LONP1: variants seen among roughly 807,000 people sequenced by gnomAD.
The protein encoded by LONP1 is lon protease homolog, mitochondrial.
In LONP1, 31 loss-of-function variants were observed where a neutral mutation model predicts 98.5. That is an observed-to-expected ratio of 0.31 (90% CI 0.24 to 0.42). The LOEUF is 0.42. LONP1 is among the 20% of genes least tolerant of loss of function. LONP1 has a pLI of 1.00. For synonymous variants in LONP1, 781 were observed against 594.7 expected (o/e 1.31, Z -4.56); for missense variants, 1,336 against 1,350.6 (o/e 0.99, Z 0.17).
At position 5,720,070 on chromosome 19, in the gene LONP1, C is replaced by T. The variant is rs1421819502; in HGVS notation, c.63G>A (p.Arg21=). The part of the protein sequence containing the change: ...WGAARCWVLR[R]PMLAAAGGRV... ...GCCCCCCGGCGGCGGCCAGCATCGG[C>T]CGCCGCAGCACCCAGCACCGCGCCG... The change falls in exon 1 of 18, where the codon CGG becomes CGA. Residue 21 remains arginine (R), a synonymous_variant. Transcript: ENST00000360614. 1.3e-6 allele frequency: 2 copies of T among 1,529,274 alleles called. No homozygotes were observed. The allele number at this position is 1,529,274 out of a possible 1,614,324, so 94.7% of individuals were successfully genotyped here.
Position 5,707,054 on chromosome 19 carries a change from G to A in LONP1, c.1146+6C>T, listed in dbSNP as rs776092588. On this transcript the variant is annotated splice_donor_region_variant and intron_variant, in intron 7 of 17. Transcript: ENST00000360614. ...AAGAGTGGCTGCGCCTCAGCCGCGG[G>A]CTCACCTCCCGCCCCAGGCGCTGCT... is the stretch of plus-strand genomic sequence containing the variant. The A allele has an allele frequency of 1.2e-6, 2 of 1,609,268 alleles. No individual in the cohort carries two copies. The highest frequency in any genetic ancestry group is 1.7e-5 in the Admixed American group (1 of 59,814).
At chr19:5,697,363 C>T (rs895739567) in intron 10 of LONP1, among the ~76,000 whole-genome samples, 4 of 151,646 alleles carry the variant, frequency 2.6e-5, no homozygotes, top group African/African-American at 7.3e-5. Flanking sequence ...CCCCGAGCAA[C>T]GCACGTGAGG....
rs905629646 is a variant in LONP1 at position 5,693,453 on chromosome 19, G to T, written c.2548C>A (p.Pro850Thr). 1 of 1,611,222 alleles carries T rather than the reference G, an allele frequency of 6.2e-7. No homozygotes were observed. The highest frequency in any genetic ancestry group is 1.3e-5 in the African/African-American group (1 of 74,908). ...CAGCCTGCGCTTGGGCCGTCCTTGG[G>T]GGTGGCGCCCTGTGGAGGCATGTGG... ...IHLHVPEGATPKDGPSAGCTI... is the reference protein window; with the variant it reads ...IHLHVPEGATTKDGPSAGCTI... The change falls in exon 17 of 18, where the codon CCC becomes ACC. Residue 850 changes from proline (P) to threonine (T), a missense_variant. This residue lies in a region of LONP1 where 555 missense variants were observed against 542.6 expected (regional missense o/e 1.02). Coordinates refer to ENST00000360614, the MANE Select transcript of LONP1 (RefSeq NM_004793.4).
In LONP1 at chr19:5,705,978, G is replaced by A. The variant is rs1311673429; in HGVS notation, c.1161C>T (p.Ile387=). 1 of 1,600,228 alleles carries A rather than the reference G, an allele frequency of 6.2e-7. No individual in the cohort carries two copies. The highest frequency in any genetic ancestry group is 8.5e-7 in the Non-Finnish European group (1 of 1,172,788). ...GCAGGTACTTACGGTGGGTCTGCTT[G>A]ATCTTCTCCTCCACCTGTGGGGTGA... is the stretch of plus-strand genomic sequence containing the variant. ...QRLGREVEEK[I]KQTHRKYLLQ... The change falls in exon 8 of 18, where the codon ATC becomes ATT. Residue 387 remains isoleucine (I), a synonymous_variant. Transcript: ENST00000360614.
chr19:5,707,184 G>T (rs763238020), intron 6 of LONP1, 41 bp from the exon 7 acceptor site: 1 of 1,565,620 alleles, frequency 6.4e-7, no homozygotes. Context: ...GCAGAAGTCG[G>T]CATCTGTGTG....
rs185274878 is a variant in LONP1, at chr19:5,711,668, G to C, written c.870+103C>G. Reference sequence around the variant, plus strand: ...CCAGACAGGCCAGACCCTTCCTAAGGGGCTCAGGGTGGGAGATGACTCTTC... The same window carrying C: ...CCAGACAGGCCAGACCCTTCCTAAGCGGCTCAGGGTGGGAGATGACTCTTC... On this transcript the variant is annotated intron_variant, in intron 4 of 17. Transcript: ENST00000360614. 639 of 925,224 alleles carry C rather than the reference G, an allele frequency of 6.9e-4. 2 individuals carry two copies. The highest frequency in any genetic ancestry group is 1.2e-4 in the Non-Finnish European group (73 of 595,904). 57.3% of individuals were successfully genotyped at this position (925,224 alleles called of 1,614,324 possible).
At chr19:5,699,909 A>G (rs184320456) in intron 9 of LONP1, among the ~76,000 whole-genome samples, 2 of 151,868 alleles carry the variant, frequency 1.3e-5, no homozygotes, top group East Asian at 1.9e-4. Context: ...CTGGTTTCCA[A>G]TGTCTCAGGA....
intron 8 of LONP1, among the ~76,000 whole-genome samples, chr19:5,704,815 G>A (rs964187685): frequency 1.6e-4 from 24 of 152,362 alleles, no homozygotes; most frequent in Admixed American, 1.6e-3. Flanking sequence ...GGCAACAGAA[G>A]CCAGGGGTAG....
chr19:5,708,050 G>A (rs937810787), intron 5 of LONP1: 8 of 618,230 alleles, frequency 1.3e-5, no homozygotes, highest in South Asian at 3.9e-5. Context: ...GCCACCACGG[G>A]AGCCGTGCAG....
At chr19:5,701,974 C>G (rs1162791840) in intron 8 of LONP1, among the ~76,000 whole-genome samples, 1 of 150,442 alleles carries the variant, frequency 6.6e-6, no homozygotes, top group Non-Finnish European at 1.5e-5. Flanking sequence ...GCGTCTCTGC[C>G]CGGCAGCCCT....
chr19:5,694,678 ATGATGGGCATGGAAAGGTGGGG>A, intron 14 of LONP1, 61 bp downstream of exon 14: 1 of 1,444,512 alleles, frequency 6.9e-7, no homozygotes, highest in Non-Finnish European at 9.5e-7. Context: ...GGAAAGTGGG[ATGATGGGCATGGAAAGGTGGGG>A]TGATCAGCGT....
Position 5,696,040 on chromosome 19 carries a change from G to A in LONP1, c.2013+14C>T. 1 of 1,608,148 alleles carries A rather than the reference G, an allele frequency of 6.2e-7. No homozygotes were observed. The highest frequency in any genetic ancestry group is 2.2e-5 in the East Asian group (1 of 44,828). On this transcript the variant is annotated intron_variant, in intron 13 of 17. Transcript: ENST00000360614. ...TCTGGGAAGGGGACAGCAGTGGGGA[G>A]GGGCTGGGCTTACCTCCGCAATGGC...
chr19:5,716,275 T>TCTCC, intron 1 of LONP1, among the ~76,000 whole-genome samples: 1 of 84,182 alleles, frequency 1.2e-5, no homozygotes, highest in Non-Finnish European at 2.9e-5. Flanking sequence ...TATATATATA[T>TCTCC]ATATATATAT....
At chr19:5,709,432 C>T (rs537848943) in intron 4 of LONP1, among the ~76,000 whole-genome samples, 2 of 151,682 alleles carry the variant, frequency 1.3e-5, no homozygotes, top group East Asian at 1.9e-4. Flanking sequence ...ACCCAGGAGG[C>T]GGAGGTTGCC....
At chr19:5,708,025 G>A (rs58336764) in intron 5 of LONP1, 199 bp from the exon 6 acceptor site, 206 of 650,168 alleles carry the variant, frequency 3.2e-4, no homozygotes, top group African/African-American at 3.1e-3. Context: ...AAGGCATGCA[G>A]CATCCTCACG....
At chr19:5,702,214 C>A (rs2055062654) in intron 8 of LONP1, among the ~76,000 whole-genome samples, 1 of 149,144 alleles carries the variant, frequency 6.7e-6, no homozygotes, top group Non-Finnish European at 1.5e-5. Flanking sequence ...TGGGGGTCAG[C>A]CCCCCGCCCG....
rs2054883684 is a variant in LONP1 at position 5,694,265 on chromosome 19, C to CGGG, written c.2320+121_2320+122insCCC. 3.8e-6 allele frequency: 5 copies of CGGG among 1,327,576 alleles called. No individual in the cohort carries two copies. In the Admixed American group the frequency reaches 1.1e-4, roughly 29 times the overall value. The allele number at this position is 1,327,576 out of a possible 1,614,324, so 82.2% of individuals were successfully genotyped here. A position where few individuals can be genotyped will look rare whatever the true frequency, so the allele number is the denominator to read the frequency against. ...ACCCCCTGGGCTCCCAGCACACCAC[C>CGGG]CCCCGCCAGAGGCCGTTCAGAGCCA... is the stretch of plus-strand genomic sequence containing the variant. On this transcript the variant is annotated intron_variant, in intron 15 of 17. Transcript: ENST00000360614.
In LONP1 at chr19:5,692,021, C is replaced by A. The variant is rs370826163; in HGVS notation, c.*11G>T. 3 of 1,607,942 alleles carry A rather than the reference C, an allele frequency of 1.9e-6. No homozygotes were observed. The South Asian group carries it at 3.3e-5, about 18-fold the overall frequency. ...GCCTGACATCCGCCGCCTGCAGTCC[C>A]GGGGTGGCCGTCACCGTTCCACGGC... On this transcript the variant is annotated 3_prime_UTR_variant, in exon 18 of 18. Coordinates refer to ENST00000360614, the MANE Select transcript of LONP1 (RefSeq NM_004793.4).
At chr19:5,706,040 T>C (rs202037078) in intron 7 of LONP1, 48 bp from the exon 8 acceptor site, 1 of 1,316,684 alleles carries the variant, frequency 7.6e-7, no homozygotes, top group East Asian at 2.4e-5. Flanking sequence ...GGAAGCTGGG[T>C]GGGTGGGTGC....
Sources: allele counts gnomAD v4.1 joint callset (sites outside exome capture counted in the v4.1 genomes callset), GRCh38; gene constraint gnomAD v4.1.1; regional missense constraint gnomAD v4.1.1; transcripts MANE v1.5; gene names NCBI Gene and HGNC (gene_info 2026-07-23, HGNC 2026-07-21).